Variants in LEKR1 observed in about 807,000 individuals in gnomAD.
The protein encoded by LEKR1 is protein LEKR1.
A neutral mutation model predicts 72.4 loss-of-function variants in LEKR1; 59 were observed. The ratio of observed to expected loss-of-function variants is 0.82; its 90% confidence interval spans 0.66 to 1.01. The LOEUF is 1.01. Among genes scored for constraint, LEKR1 ranks in the 50% least tolerant of loss-of-function variants. LEKR1 has a pLI of 0.00. For synonymous variants in LEKR1, 257 were observed against 263.2 expected (o/e 0.98, Z 0.23); for missense variants, 728 against 759.2 (o/e 0.96, Z 0.48).
At position 156,937,729 on chromosome 3, in the gene LEKR1, C is replaced by T. The variant is rs1033516692; in HGVS notation, c.560-4800C>T. ...AATACTTGTATGTAAGTGTTCATAG[C>T]GGCTGTAGTCATAATAGCCCCAAAT... On this transcript the variant is annotated intron_variant, in intron 5 of 12. Coordinates refer to ENST00000356539, the MANE Select transcript of LEKR1 (RefSeq NM_001004316.3). 1.6e-4 allele frequency among the ~76,000 whole-genome samples: 25 copies of T among 152,128 alleles called. No homozygotes were observed. In the East Asian group the frequency reaches 1.7e-3, roughly 11 times the overall value.
chr3:156,904,477 A>C (rs1035625102), intron 3 of LEKR1, among the ~76,000 whole-genome samples: 1 of 150,142 alleles, frequency 6.7e-6, no homozygotes, highest in African/African-American at 2.5e-5. Context: ...ACAGGGTCTC[A>C]CACTGTGTCA....
intron 10 of LEKR1, among the ~76,000 whole-genome samples, chr3:157,020,351 A>G (rs1050881426): frequency 6.8e-6 from 1 of 146,642 alleles, no homozygotes; most frequent in African/African-American, 2.5e-5. Flanking sequence ...ATATGTATAC[A>G]TGTGCCATGC....
At chr3:156,996,256 G>C (rs1731556996) in intron 9 of LEKR1, among the ~76,000 whole-genome samples, 1 of 152,074 alleles carries the variant, frequency 6.6e-6, no homozygotes, top group Admixed American at 6.6e-5. Flanking sequence ...CTTTGGCTAG[G>C]GTGGTCATAA....
At chr3:156,958,179 C>A (rs1384288015) in intron 6 of LEKR1, among the ~76,000 whole-genome samples, 1 of 152,090 alleles carries the variant, frequency 6.6e-6, no homozygotes, top group Non-Finnish European at 1.5e-5. Context: ...TTTGTTTTAA[C>A]AACCAACAAT....
intron 10 of LEKR1, 130 bp from the exon 11 acceptor site, chr3:157,024,630 A>T: frequency 1.3e-6 from 1 of 754,804 alleles, no homozygotes; most frequent in Non-Finnish European, 2.1e-6. Flanking sequence ...TTTGAACACT[A>T]GAATTTTTAA....
At chr3:157,016,872 A>G (rs1463632542) in intron 10 of LEKR1, among the ~76,000 whole-genome samples, 1 of 152,214 alleles carries the variant, frequency 6.6e-6, no homozygotes, top group Admixed American at 6.5e-5. Flanking sequence ...TTAAAGACAT[A>G]TTCTCCAAAC....
At chr3:156,844,777 G>GT (rs1051652593) in intron 2 of LEKR1, among the ~76,000 whole-genome samples, 1 of 151,848 alleles carries the variant, frequency 6.6e-6, no homozygotes, top group Admixed American at 6.6e-5. Flanking sequence ...GGGAATCTAG[G>GT]TTTTTTTCCA....
chr3:156,902,278 A>G (rs1722113075), intron 3 of LEKR1, among the ~76,000 whole-genome samples: 1 of 152,168 alleles, frequency 6.6e-6, no homozygotes, highest in Admixed American at 6.5e-5. Context: ...GATGAAGATT[A>G]CCCTTAATAT....
chr3:156,973,869 TAATG>T (rs1270411451), intron 6 of LEKR1, among the ~76,000 whole-genome samples: 4 of 152,220 alleles, frequency 2.6e-5, no homozygotes, highest in Admixed American at 2.6e-4. Context: ...TAGCTGTTTC[TAATG>T]AATATTAGCT....
chr3:156,857,740 T>TA (rs1716245714), intron 3 of LEKR1, among the ~76,000 whole-genome samples: 3 of 152,240 alleles, frequency 2.0e-5, no homozygotes, highest in Non-Finnish European at 1.5e-5. Flanking sequence ...CTAATGGTGA[T>TA]ATGTGAAATA....
Position 156,899,629 on chromosome 3 carries a change from T to C in LEKR1, c.264-20946T>C, listed in dbSNP as rs62643941. 1.0e-2 allele frequency among the ~76,000 whole-genome samples: 977 copies of C among 98,086 alleles called. 8 individuals are homozygous for C. The highest frequency in any genetic ancestry group is 0.015 in the Non-Finnish European group (708 of 47,370). The allele number at this position is 98,086 out of a possible 152,430, so 64.3% of individuals were successfully genotyped here. ...ATATATACACACATATATACACATA[T>C]ATACACGCATATATACACATATATA... On this transcript the variant is annotated intron_variant, in intron 3 of 12. Transcript: ENST00000356539.
At chr3:156,979,116 A>G in intron 6 of LEKR1, 78 bp from the exon 7 acceptor site, 1 of 636,838 alleles carries the variant, frequency 1.6e-6, no homozygotes, top group Admixed American at 2.5e-5. Flanking sequence ...CTAGCAACAA[A>G]AGAATATGGT....
At chr3:156,970,506 A>G (rs1463584886) in intron 6 of LEKR1, among the ~76,000 whole-genome samples, 4 of 152,082 alleles carry the variant, frequency 2.6e-5, no homozygotes, top group African/African-American at 9.7e-5. Flanking sequence ...TGATTTTTGT[A>G]TAAGGTGTAA....
At chr3:156,944,970 T>G (rs1283362537) in intron 6 of LEKR1, among the ~76,000 whole-genome samples, 1 of 151,750 alleles carries the variant, frequency 6.6e-6, no homozygotes, top group Non-Finnish European at 1.5e-5. Context: ...TAGTTCTATG[T>G]CTAGTTTTTT....
rs766916892 is a variant in LEKR1, at chr3:157,045,673, A to G, written c.2002A>G (p.Arg668Gly). The stretch of plus-strand genomic sequence containing the variant: ...CATTCTCCCCCAGCCACATCCTCCC[A>G]GGGGTGGAGCATCTTCAGCAAATGA... ...VPILPQPHPP[R>G]GGASSANETR... The change falls in exon 13 of 13, where the codon AGG becomes GGG. Residue 668 changes from arginine (R) to glycine (G), a missense_variant. Coordinates refer to ENST00000356539, the MANE Select transcript of LEKR1 (RefSeq NM_001004316.3). 3.1e-6 allele frequency: 5 copies of G among 1,613,788 alleles called. No homozygotes were observed. Among genetic ancestry groups the G allele is most frequent in the African/African-American group, 2.7e-5 (2 of 74,932 alleles).
intron 3 of LEKR1, among the ~76,000 whole-genome samples, chr3:156,874,813 C>T (rs975777818): frequency 1.3e-5 from 2 of 152,152 alleles, no homozygotes; most frequent in African/African-American, 4.8e-5. Flanking sequence ...TGAATTACTT[C>T]ATTTAGAATA....
intron 12 of LEKR1, among the ~76,000 whole-genome samples, chr3:157,032,410 G>A (rs1734683151): frequency 1.3e-5 from 2 of 152,228 alleles, no homozygotes; most frequent in African/African-American, 4.8e-5. Context: ...CAATGAAGAT[G>A]AGTGATACTC....
chr3:156,995,211 C>A (rs1284124346), intron 9 of LEKR1, among the ~76,000 whole-genome samples: 2 of 152,084 alleles, frequency 1.3e-5, no homozygotes, highest in Non-Finnish European at 2.9e-5. Flanking sequence ...GGATTAGTAA[C>A]CTCAGTAGAA....
chr3:157,017,562 T>C (rs1441702866), intron 10 of LEKR1: 2 of 152,198 alleles, frequency 1.3e-5, no homozygotes, highest in African/African-American at 4.8e-5. Flanking sequence ...GCTCCTCCCC[T>C]GCTAGAACTT....
Sources: allele counts gnomAD v4.1 joint callset (sites outside exome capture counted in the v4.1 genomes callset), GRCh38; gene constraint gnomAD v4.1.1; transcripts MANE v1.5; gene names NCBI Gene and HGNC (gene_info 2026-07-23, HGNC 2026-07-21).